ROBO2: variants seen among roughly 807,000 people sequenced by gnomAD.
The protein encoded by ROBO2 is roundabout homolog 2.
A neutral mutation model predicts 160.8 loss-of-function variants in ROBO2; 53 were observed. That is an observed-to-expected ratio of 0.33 (90% CI 0.26 to 0.41). ROBO2 has a LOEUF of 0.41. Ranked by LOEUF, ROBO2 falls within the 10% of genes least tolerant of loss-of-function variation. ROBO2 has a pLI of 1.00. For synonymous variants in ROBO2, 664 were observed against 611.7 expected, an observed-to-expected ratio of 1.09 and a Z score of -1.26; for missense variants, 1,577 against 1,722.4, an observed-to-expected ratio of 0.92 and a Z score of 1.49.
chr3:77,589,734 A>G (rs1245179072), intron 17 of ROBO2, among the ~76,000 whole-genome samples: 1 of 152,148 alleles, frequency 6.6e-6, no homozygotes, highest in Non-Finnish European at 1.5e-5. Flanking sequence ...AATGAACTCA[A>G]TACTGAAGCA....
intron 2 of ROBO2, among the ~76,000 whole-genome samples, chr3:76,584,627 ATCTGGAACTTGTAGAC>A (rs1269886428): frequency 2.0e-5 from 3 of 152,146 alleles, no homozygotes; most frequent in Non-Finnish European, 4.4e-5. Context: ...TGACATCTTG[ATCTGGAACTTGTAGAC>A]TCCAGAATTT....
intron 2 of ROBO2, among the ~76,000 whole-genome samples, chr3:76,339,264 A>G (rs925259185): frequency 3.3e-5 from 5 of 152,308 alleles, no homozygotes; most frequent in Middle Eastern, 3.4e-3. Flanking sequence ...GTGTACTTGT[A>G]AATACAGCTT....
chr3:76,755,193 T>C (rs908120078), intron 2 of ROBO2, among the ~76,000 whole-genome samples: 2 of 151,926 alleles, frequency 1.3e-5, no homozygotes, highest in Admixed American at 1.3e-4. Context: ...TTAAAATCTA[T>C]TTATTTTGGT....
chr3:76,096,908 T>C (rs1258671884), intron 2 of ROBO2, among the ~76,000 whole-genome samples: 2 of 152,138 alleles, frequency 1.3e-5, no homozygotes, highest in Admixed American at 6.5e-5. Flanking sequence ...GAAACATGCA[T>C]TGGAAAAATT....
chr3:76,631,833 C>T lies in ROBO2; in HGVS notation c.110-466181C>T, dbSNP rs78874572. Among the ~76,000 whole-genome samples the T allele has an allele frequency of 4.2e-3, 635 of 152,200 alleles. 4 individuals are homozygous for T. Among genetic ancestry groups the T allele is most frequent in the African/African-American group, 0.013 (541 of 41,528 alleles). ...GTAGATAAGTAACTTTAAGTACTGG[C>T]GGATGTGTACAGATGATGAGAAATA... On this transcript the variant is annotated intron_variant, in intron 2 of 26. Transcript: ENST00000487694.
At chr3:76,233,201 G>T (rs1387106902) in intron 2 of ROBO2, among the ~76,000 whole-genome samples, 7 of 151,922 alleles carry the variant, frequency 4.6e-5, no homozygotes, top group Admixed American at 3.9e-4. Context: ...ATAGAATGCA[G>T]TGGCTTGATC....
At chr3:77,182,716 A>C (rs949449412) in intron 2 of ROBO2, among the ~76,000 whole-genome samples, 1 of 152,042 alleles carries the variant, frequency 6.6e-6, no homozygotes, top group African/African-American at 2.4e-5. Context: ...AACTGCAATG[A>C]GTTGGTGCTC....
intron 7 of ROBO2, among the ~76,000 whole-genome samples, chr3:77,549,330 GT>G (rs1218744415): frequency 6.6e-6 from 1 of 151,894 alleles, no homozygotes; most frequent in African/African-American, 2.4e-5. Flanking sequence ...TGCACTTTGA[GT>G]TATTGTATCA....
chr3:76,410,911 T>C (rs2075453419), intron 2 of ROBO2, among the ~76,000 whole-genome samples: 1 of 152,208 alleles, frequency 6.6e-6, no homozygotes, highest in South Asian at 2.1e-4. Context: ...GATTTTGGTC[T>C]TATGAAGAAA....
At position 77,588,756 on chromosome 3, in the gene ROBO2, C is replaced by T. The variant is rs1480209531; in HGVS notation, c.2506C>T (p.Arg836Cys). The T allele has an allele frequency of 6.2e-6, 10 of 1,612,878 alleles. No homozygotes were observed. The highest frequency in any genetic ancestry group is 1.7e-5 in the Admixed American group (1 of 59,910). ...TACTATGGTTTTTTCCATAGGGAGA[C>T]GCAATGAAGTTGTCATTACTGAAAA... The change falls in exon 17 of 26, where the codon CGC (arginine) becomes TGC (cysteine). Residue 836 changes from arginine to cysteine, a missense_variant. Physicochemically the swap from Arg to Cys is radical, Grantham distance 180. Transcript: ENST00000461745.
intron 2 of ROBO2, among the ~76,000 whole-genome samples, chr3:76,279,935 G>C (rs963613245): frequency 6.6e-6 from 1 of 151,920 alleles, no homozygotes; most frequent in African/African-American, 2.4e-5. Flanking sequence ...CCAGGGCCTA[G>C]TCCCAGACCT....
At chr3:76,877,747 G>T (rs1342394168) in intron 2 of ROBO2, among the ~76,000 whole-genome samples, 1 of 152,168 alleles carries the variant, frequency 6.6e-6, no homozygotes, top group Non-Finnish European at 1.5e-5. Flanking sequence ...TCACAATACT[G>T]GAGGCGCATA....
chr3:76,593,043 G>A (rs180904618), intron 2 of ROBO2, among the ~76,000 whole-genome samples: 1 of 151,992 alleles, frequency 6.6e-6, no homozygotes, highest in Non-Finnish European at 1.5e-5. Flanking sequence ...ACAAATAATT[G>A]TAAGTAATAA....
At chr3:76,861,889 C>T (rs546268895) in intron 2 of ROBO2, among the ~76,000 whole-genome samples, 1 of 152,230 alleles carries the variant, frequency 6.6e-6, no homozygotes, top group East Asian at 1.9e-4. Context: ...GGTTTTGCTG[C>T]AAGTAACAGA....
chr3:76,829,717 G>A (rs1016408776), intron 2 of ROBO2, among the ~76,000 whole-genome samples: 1 of 147,154 alleles, frequency 6.8e-6, no homozygotes, highest in African/African-American at 2.5e-5. Flanking sequence ...TGCCCAGGCT[G>A]GAGTGCAATG....
intron 2 of ROBO2, among the ~76,000 whole-genome samples, chr3:77,376,643 T>C (rs1252158956): frequency 1.3e-5 from 2 of 152,176 alleles, no homozygotes; most frequent in Non-Finnish European, 2.9e-5. Context: ...CCTTCTTGTA[T>C]ATGCTTAGAA....
intron 2 of ROBO2, among the ~76,000 whole-genome samples, chr3:76,382,544 G>A (rs972369676): frequency 6.6e-6 from 1 of 152,180 alleles, no homozygotes; most frequent in Admixed American, 6.5e-5. Context: ...CCGAGATCGC[G>A]CCCCTGCACT....
At chr3:76,634,462 G>A (rs1462841344) in intron 2 of ROBO2, among the ~76,000 whole-genome samples, 1 of 152,082 alleles carries the variant, frequency 6.6e-6, no homozygotes. Flanking sequence ...CAGCTACTCA[G>A]GAGGCTGAGG....
intron 2 of ROBO2, among the ~76,000 whole-genome samples, chr3:76,433,539 G>A (rs145983302): frequency 9.4e-4 from 143 of 152,070 alleles, no homozygotes; most frequent in African/African-American, 2.8e-3. Context: ...TTTTTTCTGC[G>A]TAAACCTATA....
Sources: gnomAD v4.1 joint callset for allele counts (sites outside exome capture counted in the v4.1 genomes callset) on GRCh38, gnomAD v4.1.1 for gene constraint, MANE v1.5 for transcripts, NCBI Gene and HGNC (gene_info 2026-07-23, HGNC 2026-07-21) for gene names.